Variants in TXNDC15 observed in about 807,000 individuals in gnomAD.
TXNDC15 encodes the protein thioredoxin domain-containing protein 15.
In TXNDC15, 24 loss-of-function variants were observed where a neutral mutation model predicts 35.0. The ratio of observed to expected loss-of-function variants is 0.68; its 90% CI spans 0.50 to 0.96. The LOEUF (loss-of-function observed/expected upper bound fraction) is 0.96, where lower values mean the gene tolerates loss of function less well. TXNDC15 is among the 40% of genes least tolerant of loss of function. The pLI, the probability that TXNDC15 is intolerant of heterozygous loss-of-function variation, is 0.00. For missense variants in TXNDC15, 385 were observed against 453.3 expected (o/e 0.85, Z 1.37); for synonymous variants, 169 against 174.0 (o/e 0.97, Z 0.23).
At position 134,888,037 on chromosome 5, in the gene TXNDC15, C is replaced by T; in HGVS notation, c.446C>T (p.Thr149Ile). The change falls in exon 2 of 5, where the codon ACA becomes ATA. Residue 149 changes from threonine (T) to isoleucine (I), a missense_variant. By Grantham distance (89) the Thr-to-Ile change is moderately conservative. Coordinates refer to ENST00000358387, the MANE Select transcript of TXNDC15 (RefSeq NM_024715.4). ...CCTGACAGAGAAGAGGAGTATTACA[C>T]AGAGCCAGAAGTGGCGGAATCTGAC... ...HFPDREEEYY[T>I]EPEVAESDAA... 6.2e-7 allele frequency: 1 copy of T among 1,614,190 alleles called. No homozygotes were observed. The highest frequency in any genetic ancestry group is 1.1e-5 in the South Asian group (1 of 91,084).
At chr5:134,892,966 C>CTGTTATTA (rs1198483950) in intron 2 of TXNDC15, 4 of 155,132 alleles carry the variant, frequency 2.6e-5, no homozygotes, top group Non-Finnish European at 5.7e-5. Context: ...TCATAGATCA[C>CTGTTATTA]CATAACAGAT....
chr5:134,878,490 A>T (rs1009475813), intron 1 of TXNDC15, among the ~76,000 whole-genome samples: 1 of 152,116 alleles, frequency 6.6e-6, no homozygotes, highest in African/African-American at 2.4e-5. Flanking sequence ...GTCCCTCCTC[A>T]TTTGCCTTTC....
chr5:134,891,254 A>T (rs1024476141), intron 2 of TXNDC15, among the ~76,000 whole-genome samples: 5 of 152,246 alleles, frequency 3.3e-5, no homozygotes, highest in African/African-American at 1.2e-4. Flanking sequence ...CAAATCCATC[A>T]GAGGAATTGC....
chr5:134,887,664 A>T, intron 1 of TXNDC15, 31 bp from the exon 2 acceptor site: 5 of 1,528,268 alleles, frequency 3.3e-6, no homozygotes, highest in Non-Finnish European at 4.4e-6. Flanking sequence ...TTGAAGTCAA[A>T]TATGACTCTG....
At chr5:134,881,820 A>T (rs1750152874) in intron 1 of TXNDC15, among the ~76,000 whole-genome samples, 1 of 149,104 alleles carries the variant, frequency 6.7e-6, no homozygotes, top group African/African-American at 2.5e-5. Flanking sequence ...CGGGGGGCTG[A>T]CGCTCCCATC....
chr5:134,898,071 T>A (rs1207393131), intron 4 of TXNDC15, among the ~76,000 whole-genome samples: 2 of 151,918 alleles, frequency 1.3e-5, no homozygotes, highest in African/African-American at 4.8e-5. Flanking sequence ...GCACCACTGC[T>A]CCTGCCTTCC....
intron 3 of TXNDC15, among the ~76,000 whole-genome samples, chr5:134,894,946 G>A (rs1750461206): frequency 1.3e-5 from 2 of 152,106 alleles, no homozygotes; most frequent in African/African-American, 4.8e-5. Flanking sequence ...GGCCAAGGTA[G>A]AAGGATTGCT....
At chr5:134,883,605 A>G (rs1272843498) in intron 1 of TXNDC15, among the ~76,000 whole-genome samples, 28 of 148,010 alleles carry the variant, frequency 1.9e-4, no homozygotes, top group Non-Finnish European at 3.4e-4. Flanking sequence ...AAAAAAAAAA[A>G]AAAAAAGAAA....
chr5:134,878,824 C>T (rs977182056), intron 1 of TXNDC15, among the ~76,000 whole-genome samples: 9 of 152,158 alleles, frequency 5.9e-5, no homozygotes, highest in African/African-American at 2.2e-4. Flanking sequence ...CATGGTGAAA[C>T]CCCATCTCTA....
In TXNDC15 at chr5:134,874,375, G is replaced by C; in HGVS notation, c.-53G>C. 3 of 1,490,706 alleles carry C rather than the reference G, an allele frequency of 2.0e-6. No individual in the cohort carries two copies. Among genetic ancestry groups the C allele is most frequent in the South Asian group, 2.5e-5 (2 of 80,510 alleles). The allele number at this position is 1,490,706 out of a possible 1,614,324, so 92.3% of individuals were successfully genotyped here. The stretch of plus-strand genomic sequence containing the variant: ...GGCTCTCCTCCCCCAGCCTTCCTCC[G>C]GCTGGCAGCACGACTCGCGTAGCCG... On this transcript the variant is annotated 5_prime_UTR_variant, in exon 1 of 5. Coordinates refer to ENST00000358387, the MANE Select transcript of TXNDC15 (RefSeq NM_024715.4).
At chr5:134,884,917 C>T (rs1405240001) in intron 1 of TXNDC15, among the ~76,000 whole-genome samples, 1 of 148,440 alleles carries the variant, frequency 6.7e-6, no homozygotes, top group Non-Finnish European at 1.5e-5. Flanking sequence ...ATTCCCTATA[C>T]ATATTCTTTT....
chr5:134,888,423 C>A (rs1199759800), intron 2 of TXNDC15, among the ~76,000 whole-genome samples: 1 of 152,128 alleles, frequency 6.6e-6, no homozygotes, highest in African/African-American at 2.4e-5. Flanking sequence ...TTGGGCCAGT[C>A]TCACCACCAA....
At chr5:134,884,648 C>T (rs1020259091) in intron 1 of TXNDC15, among the ~76,000 whole-genome samples, 1 of 152,056 alleles carries the variant, frequency 6.6e-6, no homozygotes, top group Non-Finnish European at 1.5e-5. Context: ...CTCACTGCAA[C>T]CTCTGCCTCC....
chr5:134,874,478 C>T lies in TXNDC15; in HGVS notation c.51C>T (p.Gly17=), dbSNP rs138201907. 4.6e-5 allele frequency: 74 copies of T among 1,606,290 alleles called. No individual in the cohort carries two copies. The African/African-American group carries it at 9.5e-4, about 21-fold the overall frequency. The change falls in exon 1 of 5, where the codon GGC becomes GGT. Residue 17 remains glycine, a synonymous_variant. Coordinates refer to ENST00000358387, the MANE Select transcript of TXNDC15 (RefSeq NM_024715.4). ...CGCCCCGCGTCATGCGGCTCCTCGG[C>T]TGGTGGCAAGTATTGCTGTGGGTGC... ...RRPPRVMRLL[G]WWQVLLWVLG...
At chr5:134,883,029 C>A (rs955841727) in intron 1 of TXNDC15, among the ~76,000 whole-genome samples, 9 of 152,226 alleles carry the variant, frequency 5.9e-5, no homozygotes, top group African/African-American at 1.9e-4. Context: ...GTGGCTCATG[C>A]CTGTAATCCC....
chr5:134,874,934 T>C (rs899932170), intron 1 of TXNDC15, among the ~76,000 whole-genome samples: 2 of 152,246 alleles, frequency 1.3e-5, no homozygotes, highest in African/African-American at 2.4e-5. Context: ...ATTTACATCA[T>C]TATCCCATTT....
chr5:134,880,674 C>T (rs573353073), intron 1 of TXNDC15, among the ~76,000 whole-genome samples: 1 of 152,142 alleles, frequency 6.6e-6, no homozygotes, highest in African/African-American at 2.4e-5. Flanking sequence ...AACTCCTGAC[C>T]TCAAGTCATC....
At chr5:134,881,973 G>T (rs1408011681) in intron 1 of TXNDC15, among the ~76,000 whole-genome samples, 1 of 151,254 alleles carries the variant, frequency 6.6e-6, no homozygotes, top group Non-Finnish European at 1.5e-5. Context: ...CCCGGACGGG[G>T]TGGCTGCCGG....
intron 1 of TXNDC15, among the ~76,000 whole-genome samples, chr5:134,876,883 G>A (rs1249406472): frequency 6.6e-6 from 1 of 151,974 alleles, no homozygotes; most frequent in African/African-American, 2.4e-5. Context: ...ATACCCCTAT[G>A]CCACTCTTCC....
Sources: allele counts gnomAD v4.1 joint callset (sites outside exome capture counted in the v4.1 genomes callset), GRCh38; gene constraint gnomAD v4.1.1; transcripts MANE v1.5; gene names NCBI Gene and HGNC (gene_info 2026-07-23, HGNC 2026-07-21).